The following RBFOX1 variants were observed in gnomAD, a reference collection of about 807,000 sequenced individuals.
RBFOX1 encodes the protein RNA binding fox-1 homolog 1.
A neutral mutation model predicts 57.7 loss-of-function variants in RBFOX1; 8 were observed. The observed-to-expected ratio is 0.14, with a 90% CI of 0.08 to 0.25. The LOEUF (loss-of-function observed/expected upper bound fraction) is 0.25. RBFOX1 is among the 10% of genes least tolerant of loss of function. The pLI is 1.00. For missense variants in RBFOX1, 611 were observed against 548.5 expected (o/e 1.11, Z -1.14); for synonymous variants, 326 against 222.4 (o/e 1.47, Z -4.15).
chr16:7,079,896 A>G (rs1023965733), intron 4 of RBFOX1, among the ~76,000 whole-genome samples: 1 of 151,842 alleles, frequency 6.6e-6, no homozygotes, highest in African/African-American at 2.4e-5. Flanking sequence ...CAAGATAAGA[A>G]AAAGTTCTGT....
At chr16:5,726,139 C>G (rs528885431) in intron 3 of RBFOX1, among the ~76,000 whole-genome samples, 96 of 151,772 alleles carry the variant, frequency 6.3e-4, no homozygotes, top group African/African-American at 2.2e-3. Context: ...ATTTAAACTC[C>G]TTTCGTCCCA....
chr16:6,343,244 T>C lies in RBFOX1; in HGVS notation c.-64+26187T>C, dbSNP rs142924640. ...TTCTGACATTCTTACTCTACAGTCA[T>C]TATTAATGTAGAAAACTCTGTCTAT... is the stretch of plus-strand genomic sequence containing the variant. On this transcript the variant is annotated intron_variant, in intron 2 of 15. Transcript: ENST00000550418. Among the ~76,000 whole-genome samples, 1,140 of 151,056 alleles carry C rather than the reference T, an allele frequency of 7.5e-3. 20 individuals carry two copies. Among genetic ancestry groups the C allele is most frequent in the African/African-American group, 0.026 (1,071 of 41,516 alleles).
chr16:7,290,516 G>C (rs1004197502), intron 4 of RBFOX1, among the ~76,000 whole-genome samples: 1 of 152,194 alleles, frequency 6.6e-6, no homozygotes, highest in African/African-American at 2.4e-5. Flanking sequence ...TCAAAAGGTA[G>C]CTGACGATTG....
chr16:6,739,416 C>T (rs997624881), intron 3 of RBFOX1, among the ~76,000 whole-genome samples: 14 of 152,038 alleles, frequency 9.2e-5, no homozygotes, highest in African/African-American at 2.9e-4. Context: ...ACCCAATATG[C>T]AATAGATAAT....
chr16:6,169,688 G>T (rs1287436942), intron 1 of RBFOX1, among the ~76,000 whole-genome samples: 1 of 152,230 alleles, frequency 6.6e-6, no homozygotes, highest in East Asian at 1.9e-4. Flanking sequence ...ACTCAGCAGT[G>T]TATGAGTGAT....
intron 4 of RBFOX1, among the ~76,000 whole-genome samples, chr16:7,286,402 A>C (rs971100068): frequency 6.6e-6 from 1 of 151,814 alleles, no homozygotes; most frequent in Non-Finnish European, 1.5e-5. Context: ...AAAATGCTCA[A>C]AAGTGTCAGA....
chr16:6,832,577 A>G (rs1297467028), intron 3 of RBFOX1, among the ~76,000 whole-genome samples: 1 of 152,198 alleles, frequency 6.6e-6, no homozygotes, highest in African/African-American at 2.4e-5. Context: ...GGGTGCTTGC[A>G]GCAGCCGCAG....
rs533497751 is a variant in RBFOX1 at position 7,074,328 on chromosome 16, A to T, written c.27+22230A>T. ...AACCATAAGCAAGAACCAAACTGAG[A>T]TTCTGTTAGGTTGATGCAAAAGTAA... On this transcript the variant is annotated intron_variant, in intron 4 of 15. Transcript: ENST00000550418. Among the ~76,000 whole-genome samples the T allele has an allele frequency of 1.2e-4, 18 of 152,358 alleles. No individual in the cohort carries two copies. The East Asian group carries it at 3.5e-3, about 29-fold the overall frequency.
At chr16:6,638,834 G>A (rs1436421835) in intron 2 of RBFOX1, among the ~76,000 whole-genome samples, 1 of 152,160 alleles carries the variant, frequency 6.6e-6, no homozygotes, top group African/African-American at 2.4e-5. Flanking sequence ...AGTTACTTAA[G>A]GCTGTAGACA....
chr16:6,985,608 A>T (rs1374305553), intron 3 of RBFOX1, among the ~76,000 whole-genome samples: 1 of 152,186 alleles, frequency 6.6e-6, no homozygotes, highest in Non-Finnish European at 1.5e-5. Context: ...TGGGTGGATC[A>T]TTTGAGGTCA....
At chr16:6,687,691 T>G (rs151205105) in intron 3 of RBFOX1, among the ~76,000 whole-genome samples, 1 of 152,170 alleles carries the variant, frequency 6.6e-6, no homozygotes, top group Admixed American at 6.5e-5. Flanking sequence ...ATGTCCTGTA[T>G]GGTTTTTCAA....
chr16:7,708,378 A>T (rs2083191618), intron 14 of RBFOX1, among the ~76,000 whole-genome samples: 1 of 152,214 alleles, frequency 6.6e-6, no homozygotes, highest in East Asian at 1.9e-4. Flanking sequence ...GAAAAACACA[A>T]AGATGAGTAA....
intron 13 of RBFOX1, among the ~76,000 whole-genome samples, chr16:7,674,901 T>G (rs1267950431): frequency 6.6e-6 from 1 of 152,212 alleles, no homozygotes; most frequent in Non-Finnish European, 1.5e-5. Flanking sequence ...CCAAGAGGCT[T>G]GCAAATAGGA....
chr16:5,676,204 C>T lies in RBFOX1; in HGVS notation c.318+77243C>T, dbSNP rs564316214. Among the ~76,000 whole-genome samples, 8 of 152,018 alleles carry T rather than the reference C, an allele frequency of 5.3e-5. No individual in the cohort carries two copies. The South Asian group carries it at 1.7e-3, about 32-fold the overall frequency. On this transcript the variant is annotated intron_variant, in intron 3 of 19. Transcript: ENST00000641259. ...GCAAACCACCATGGCACATGTATACCTATGCGACAAACCTGCACGTTCTGG... is the reference window on the plus strand; with the variant it reads ...GCAAACCACCATGGCACATGTATACTTATGCGACAAACCTGCACGTTCTGG...
At chr16:7,104,679 T>C (rs2063270940) in intron 4 of RBFOX1, among the ~76,000 whole-genome samples, 1 of 152,142 alleles carries the variant, frequency 6.6e-6, no homozygotes, top group Non-Finnish European at 1.5e-5. Context: ...TTCCTGTTGG[T>C]TACATATTCA....
At chr16:7,013,979 C>T (rs368026698) in intron 3 of RBFOX1, among the ~76,000 whole-genome samples, 5 of 152,080 alleles carry the variant, frequency 3.3e-5, no homozygotes, top group South Asian at 2.1e-4. Flanking sequence ...TACTCTATTC[C>T]GTACGTCAGT....
At chr16:6,627,955 C>G (rs570277761) in intron 2 of RBFOX1, among the ~76,000 whole-genome samples, 1 of 152,352 alleles carries the variant, frequency 6.6e-6, no homozygotes, top group African/African-American at 2.4e-5. Flanking sequence ...AAGGCCCACT[C>G]TCAGCCTCGC....
At chr16:6,785,738 A>T (rs73530747) in intron 3 of RBFOX1, among the ~76,000 whole-genome samples, 2 of 152,202 alleles carry the variant, frequency 1.3e-5, no homozygotes, top group Non-Finnish European at 2.9e-5. Flanking sequence ...TGAAATACCA[A>T]TTCCACTATT....
At chr16:7,047,239 T>G (rs1372102178) in intron 3 of RBFOX1, among the ~76,000 whole-genome samples, 1 of 152,180 alleles carries the variant, frequency 6.6e-6, no homozygotes, top group Admixed American at 6.5e-5. Context: ...TTAGGGCAGG[T>G]CTGTCTGCAG....
Sources: allele counts gnomAD v4.1 joint callset (sites outside exome capture counted in the v4.1 genomes callset), GRCh38; gene constraint gnomAD v4.1.1; transcripts MANE v1.5; gene names NCBI Gene and HGNC (gene_info 2026-07-23, HGNC 2026-07-21).